Variants in MINDY2 observed in about 807,000 individuals in gnomAD.
MINDY2 encodes the protein ubiquitin carboxyl-terminal hydrolase MINDY-2.
MINDY2 carries 52 observed loss-of-function variants against 68.2 expected under a neutral mutation model. The ratio of observed to expected loss-of-function variants is 0.76; its 90% CI spans 0.61 to 0.96. MINDY2 has a LOEUF of 0.96. Ranked by LOEUF, MINDY2 falls within the 40% of genes least tolerant of loss-of-function variation. The pLI is 0.00. For missense variants in MINDY2, 881 were observed against 773.4 expected, an observed-to-expected ratio of 1.14 and a Z score of -1.65; for synonymous variants, 372 against 303.0, an observed-to-expected ratio of 1.23 and a Z score of -2.36.
At chr15:58,830,518 CA>C (rs1396816835) in intron 5 of MINDY2, among the ~76,000 whole-genome samples, 1 of 152,054 alleles carries the variant, frequency 6.6e-6, no homozygotes, top group African/African-American at 2.4e-5. Flanking sequence ...GCAGACATTC[CA>C]AAATCCAAAA....
intron 2 of MINDY2, chr15:58,796,297 A>G (rs539865183): frequency 2.1e-4 from 73 of 349,358 alleles, no homozygotes; most frequent in Middle Eastern, 2.0e-3. Flanking sequence ...TCTTAAGCTC[A>G]AGCTAGAGGT....
intron 5 of MINDY2, among the ~76,000 whole-genome samples, chr15:58,831,041 G>GTGTATATATATATATATATATATA (rs565786025): frequency 2.5e-4 from 31 of 124,916 alleles, no homozygotes; most frequent in Admixed American, 5.8e-4. Context: ...GTGTGTGTGT[G>GTGTATATATATATATATATATATA]TATATATATA....
intron 4 of MINDY2, among the ~76,000 whole-genome samples, chr15:58,820,141 CT>C (rs2030966731): frequency 6.6e-6 from 1 of 152,068 alleles, no homozygotes; most frequent in Admixed American, 6.5e-5. Context: ...TGGCGTGCAC[CT>C]GTAGTCTCAG....
intron 1 of MINDY2, among the ~76,000 whole-genome samples, chr15:58,772,539 A>G (rs1466189002): frequency 2.0e-5 from 3 of 152,220 alleles, no homozygotes; most frequent in African/African-American, 7.2e-5. Flanking sequence ...TTTAAACTAT[A>G]ATTTCCTACA....
At chr15:58,828,897 T>A (rs2031566556) in intron 5 of MINDY2, among the ~76,000 whole-genome samples, 1 of 152,156 alleles carries the variant, frequency 6.6e-6, no homozygotes, top group African/African-American at 2.4e-5. Context: ...TATAGTAATC[T>A]TCTCAGGAAA....
At chr15:58,802,268 A>G (rs778935083) in intron 2 of MINDY2, 45 bp from the exon 3 acceptor site, 2 of 1,290,744 alleles carry the variant, frequency 1.5e-6, no homozygotes, top group East Asian at 4.7e-5. Context: ...TCAGAAAAAC[A>G]AGTTTTTAAA....
intron 6 of MINDY2, among the ~76,000 whole-genome samples, chr15:58,845,450 G>A (rs2032485068): frequency 1.3e-5 from 2 of 152,090 alleles, no homozygotes. Flanking sequence ...GTGAAAAGGT[G>A]CTGAACATCA....
chr15:58,799,515 C>T (rs1174918218), intron 2 of MINDY2, among the ~76,000 whole-genome samples: 2 of 150,472 alleles, frequency 1.3e-5, no homozygotes, highest in African/African-American at 4.9e-5. Flanking sequence ...GGAGGCGGAG[C>T]TTGCAGTGAG....
At position 58,844,847 on chromosome 15, in the gene MINDY2, T is replaced by C. The variant is rs150207762; in HGVS notation, c.1369-2450T>C. Among the ~76,000 whole-genome samples the C allele has an allele frequency of 5.8e-3, 814 of 140,328 alleles. 12 individuals are homozygous for C. Among genetic ancestry groups the C allele is most frequent in the African/African-American group, 0.021 (787 of 37,328 alleles). The allele number at this position is 140,328 out of a possible 152,430, so 92.1% of individuals were successfully genotyped here. On this transcript the variant is annotated intron_variant, in intron 6 of 8. Transcript: ENST00000559228. ...GGACAGTCGCTTGAACCCAAGAGGC[T>C]GAGGCTGCAGTGAGCCAAGATCACA...
At chr15:58,810,514 C>G in intron 4 of MINDY2, 126 bp downstream of exon 4, 1 of 899,068 alleles carries the variant, frequency 1.1e-6, no homozygotes, top group South Asian at 1.9e-5. Flanking sequence ...ATTAGCCAAA[C>G]TATGAGGTTA....
Position 58,771,783 on chromosome 15 carries a change from G to A in MINDY2, c.388G>A (p.Gly130Arg). Residue 130 changes from glycine (G) to arginine (R), a missense_variant, in exon 1 of 9, where the codon GGA becomes AGA. Physicochemically the swap from Gly to Arg is moderately radical, Grantham distance 125. Transcript: ENST00000559228. ...GHELGTAGDA[G>R]ARPDLAGTCQ... The stretch of plus-strand genomic sequence containing the variant: ...TGAGTTGGGTACCGCCGGAGACGCG[G>A]GAGCCCGCCCGGATCTCGCCGGCAC... 4 of 1,610,528 alleles carry A rather than the reference G, an allele frequency of 2.5e-6. No individual in the cohort carries two copies. Among genetic ancestry groups the A allele is most frequent in the Non-Finnish European group, 1.7e-6 (2 of 1,179,126 alleles).
intron 6 of MINDY2, among the ~76,000 whole-genome samples, chr15:58,843,279 A>G (rs1221944455): frequency 6.6e-6 from 1 of 151,996 alleles, no homozygotes; most frequent in Non-Finnish European, 1.5e-5. Flanking sequence ...CCTCCTGAGT[A>G]GCTGAGACTA....
At chr15:58,782,296 G>A (rs1901197306) in intron 1 of MINDY2, among the ~76,000 whole-genome samples, 1 of 151,944 alleles carries the variant, frequency 6.6e-6, no homozygotes, top group Admixed American at 6.6e-5. Flanking sequence ...TATATACACT[G>A]CATATTTCAA....
In MINDY2 at chr15:58,771,382, G is replaced by T; in HGVS notation, c.-14G>T. The stretch of plus-strand genomic sequence containing the variant: ...GGCCGCGGTCTCCATAGAGCTGGGG[G>T]CGGGCGGCCCGGTATGGAGAGCAGC... On this transcript the variant is annotated 5_prime_UTR_variant, in exon 1 of 9. Transcript: ENST00000559228. 2 of 1,597,328 alleles carry T rather than the reference G, an allele frequency of 1.3e-6. No homozygotes were observed. The highest frequency in any genetic ancestry group is 8.5e-7 in the Non-Finnish European group (1 of 1,173,708).
intron 8 of MINDY2, among the ~76,000 whole-genome samples, chr15:58,853,245 G>A (rs1009447141): frequency 3.7e-4 from 56 of 151,776 alleles, no homozygotes; most frequent in East Asian, 2.1e-3. Context: ...GAGGCACCAC[G>A]CCTGGCCTAA....
chr15:58,781,902 A>G (rs1231621309), intron 1 of MINDY2, among the ~76,000 whole-genome samples: 1 of 152,084 alleles, frequency 6.6e-6, no homozygotes, highest in African/African-American at 2.4e-5. Flanking sequence ...ACTCCATCTC[A>G]AAAAAGAAAA....
At chr15:58,787,173 GC>G (rs1162288027) in intron 1 of MINDY2, among the ~76,000 whole-genome samples, 6 of 71,336 alleles carry the variant, frequency 8.4e-5, no homozygotes, top group Non-Finnish European at 1.5e-4. Context: ...TTACTCTGTT[GC>G]CCAGGCCAGA....
rs1236598580 is a variant in MINDY2 at position 58,861,045 on chromosome 15, A to C, written c.*6435A>C. ...TGCTACAAAACAGTCAGCAAAAGGAATCATGTTTGCTTGTGAAACTTCAGA... is the reference window on the plus strand; with the variant it reads ...TGCTACAAAACAGTCAGCAAAAGGACTCATGTTTGCTTGTGAAACTTCAGA... On this transcript the variant is annotated 3_prime_UTR_variant, in exon 9 of 9. Coordinates refer to ENST00000559228, the MANE Select transcript of MINDY2 (RefSeq NM_001040450.3). 6.6e-6 allele frequency: 1 copy of C among 151,108 alleles called. No homozygotes were observed. The highest frequency in any genetic ancestry group is 1.5e-5 in the Non-Finnish European group (1 of 67,774). 9.4% of individuals were successfully genotyped at this position (151,108 alleles called of 1,614,324 possible).
In MINDY2 at chr15:58,787,923, G is replaced by A; in HGVS notation, c.858G>A (p.Met286Ile). The stretch of plus-strand genomic sequence containing the variant: ...TTTTTCAGGTGAAACTTCCACCGAT[G>A]ATGGAAATCATAACTGCTGAGCAGC... ...LLAWKVKLPP[M>I]MEIITAEQLM... The change falls in exon 2 of 9, where the codon ATG becomes ATA. Residue 286 changes from methionine (M) to isoleucine (I), a missense_variant. Transcript: ENST00000559228. 1 of 1,597,704 alleles carries A rather than the reference G, an allele frequency of 6.3e-7. No individual in the cohort carries two copies. Among genetic ancestry groups the A allele is most frequent in the Admixed American group, 1.7e-5 (1 of 57,790 alleles).
Sources: allele counts gnomAD v4.1 joint callset (sites outside exome capture counted in the v4.1 genomes callset), GRCh38; gene constraint gnomAD v4.1.1; transcripts MANE v1.5; gene names NCBI Gene and HGNC (gene_info 2026-07-23, HGNC 2026-07-21).